Variants in STXBP5 observed in about 807,000 individuals in gnomAD.
The protein encoded by STXBP5 is syntaxin-binding protein 5.
Under a neutral mutation model 152.4 loss-of-function variants are expected in STXBP5, and 50 were observed. That is an observed-to-expected ratio of 0.33 (90% confidence interval 0.26 to 0.42). STXBP5 has a LOEUF of 0.42. Among genes scored for constraint, STXBP5 ranks in the 10% least tolerant of loss-of-function variants. STXBP5 has a pLI of 1.00. For synonymous variants in STXBP5, 492 were observed against 494.7 expected (o/e 0.99, Z 0.07); for missense variants, 1,167 against 1,388.6 (o/e 0.84, Z 2.54).
At chr6:147,285,045 G>C (rs759843091) in intron 8 of STXBP5, among the ~76,000 whole-genome samples, 7 of 152,112 alleles carry the variant, frequency 4.6e-5, no homozygotes, top group Non-Finnish European at 8.8e-5. Context: ...TCTGGAATTA[G>C]AATCAATAGG....
At chr6:147,275,654 T>C in intron 7 of STXBP5, among the ~76,000 whole-genome samples, 2 of 143,114 alleles carry the variant, frequency 1.4e-5, no homozygotes, top group South Asian at 2.3e-4. Flanking sequence ...ACCTCCCGGG[T>C]TCACGCCATT....
chr6:147,340,380 G>A (rs929795976), intron 21 of STXBP5, among the ~76,000 whole-genome samples: 5 of 152,096 alleles, frequency 3.3e-5, no homozygotes, highest in African/African-American at 1.2e-4. Context: ...AAATAAGGTG[G>A]TTTATTCTTG....
chr6:147,377,401 A>G (rs978984399), intron 26 of STXBP5, among the ~76,000 whole-genome samples: 5 of 152,218 alleles, frequency 3.3e-5, no homozygotes, highest in African/African-American at 1.2e-4. Context: ...CAGCAAAATA[A>G]ACCAAATAAA....
rs1778499786 is a variant in STXBP5 at position 147,240,704 on chromosome 6, T to TA, written c.431+1437dup. Among the ~76,000 whole-genome samples, 6 of 152,274 alleles carry TA rather than the reference T, an allele frequency of 3.9e-5. No homozygotes were observed. The South Asian group carries it at 1.2e-3, about 32-fold the overall frequency. On this transcript the variant is annotated intron_variant, in intron 4 of 27. Transcript: ENST00000321680. ...ACAGTAGAGGTAAGAAGTGTGAACT[T>TA]AAAGTAGAGGAAGGAAACCTGTGAG...
intron 2 of STXBP5, among the ~76,000 whole-genome samples, chr6:147,231,630 A>C (rs1489678211): frequency 6.6e-6 from 1 of 151,926 alleles, no homozygotes; most frequent in Admixed American, 6.6e-5. Context: ...GCATACATAT[A>C]TAAAAACAAA....
At chr6:147,364,729 A>C (rs886974477) in intron 25 of STXBP5, among the ~76,000 whole-genome samples, 1 of 152,208 alleles carries the variant, frequency 6.6e-6, no homozygotes, top group Non-Finnish European at 1.5e-5. Flanking sequence ...CGAAGTGATC[A>C]GTTTAGCTTT....
chr6:147,363,254 A>T, intron 23 of STXBP5, 81 bp from the exon 24 acceptor site: 1 of 1,356,152 alleles, frequency 7.4e-7, no homozygotes, highest in Non-Finnish European at 9.9e-7. Flanking sequence ...TTAAGTATCT[A>T]CTGTATGTCA....
At chr6:147,325,792 C>G (rs1347131563) in intron 17 of STXBP5, among the ~76,000 whole-genome samples, 4 of 151,998 alleles carry the variant, frequency 2.6e-5, no homozygotes, top group Non-Finnish European at 5.9e-5. Flanking sequence ...GCTGGTAGCT[C>G]CCACCACCTA....
intron 2 of STXBP5, among the ~76,000 whole-genome samples, chr6:147,207,321 G>A (rs1304426135): frequency 6.6e-6 from 1 of 152,146 alleles, no homozygotes; most frequent in Non-Finnish European, 1.5e-5. Flanking sequence ...ATGGACTATT[G>A]AACTGTGTTA....
intron 26 of STXBP5, among the ~76,000 whole-genome samples, chr6:147,378,502 G>T (rs879447927): frequency 1.3e-5 from 2 of 150,418 alleles, no homozygotes; most frequent in Non-Finnish European, 3.0e-5. Context: ...AACATTAAAT[G>T]ATATTAAAAA....
At chr6:147,249,319 C>G (rs900606539) in intron 4 of STXBP5, among the ~76,000 whole-genome samples, 3 of 151,634 alleles carry the variant, frequency 2.0e-5, no homozygotes, top group African/African-American at 7.3e-5. Context: ...TAACAAATAT[C>G]TGAATATGTG....
At chr6:147,331,804 TTAAA>T (rs1783583764) in intron 18 of STXBP5, among the ~76,000 whole-genome samples, 1 of 110,390 alleles carries the variant, frequency 9.1e-6, no homozygotes, top group Non-Finnish European at 1.9e-5. Context: ...TTTCTACCAG[TTAAA>T]AAAAAAAAAA....
rs1479752451 is a variant in STXBP5 at position 147,359,326 on chromosome 6, A to G, written c.2545+3A>G. On this transcript the variant is annotated splice_donor_region_variant and intron_variant, in intron 23 of 27. Transcript: ENST00000321680. ...GCCAGTAATTGTGTCTCCAAGTGGTATGTATTGCTGCTGCACTTAGAGTTA... is the reference window on the plus strand; with the variant it reads ...GCCAGTAATTGTGTCTCCAAGTGGTGTGTATTGCTGCTGCACTTAGAGTTA... The G allele has an allele frequency of 6.2e-7, 1 of 1,611,776 alleles. No homozygotes were observed. Among genetic ancestry groups the G allele is most frequent in the East Asian group, 2.2e-5 (1 of 44,792 alleles).
intron 8 of STXBP5, among the ~76,000 whole-genome samples, chr6:147,286,850 C>T (rs1409257070): frequency 6.6e-6 from 1 of 151,806 alleles, no homozygotes; most frequent in African/African-American, 2.4e-5. Context: ...TTTCTTGTCC[C>T]ACCAGGTAAG....
At chr6:147,377,215 A>G (rs1429822998) in intron 26 of STXBP5, among the ~76,000 whole-genome samples, 4 of 152,176 alleles carry the variant, frequency 2.6e-5, no homozygotes, top group African/African-American at 9.6e-5. Flanking sequence ...CTCATGTTTG[A>G]AAACAGAAAT....
At chr6:147,306,322 G>A (rs761958587) in intron 9 of STXBP5, among the ~76,000 whole-genome samples, 2 of 152,226 alleles carry the variant, frequency 1.3e-5, no homozygotes, top group Non-Finnish European at 2.9e-5. Flanking sequence ...TGGTAATGCT[G>A]AGTAGAGGTA....
chr6:147,311,363 T>G, intron 10 of STXBP5, 92 bp from the exon 11 acceptor site: 2 of 1,067,630 alleles, frequency 1.9e-6, no homozygotes, highest in Non-Finnish European at 2.8e-6. Context: ...CTCAAGAGAA[T>G]GAAACTAAAT....
At chr6:147,278,374 G>C (rs17076679) in intron 8 of STXBP5, among the ~76,000 whole-genome samples, 170 bp downstream of exon 8, 2,721 of 152,182 alleles carry the variant, frequency 0.018, 71 homozygotes, top group African/African-American at 0.061. Context: ...CTAACAACCA[G>C]TTAATAAAAT....
intron 26 of STXBP5, among the ~76,000 whole-genome samples, chr6:147,382,349 T>C (rs967919665): frequency 6.6e-6 from 1 of 152,158 alleles, no homozygotes; most frequent in Middle Eastern, 3.2e-3. Flanking sequence ...AGTATATTTT[T>C]AAGTAAGAGG....
Sources: allele counts gnomAD v4.1 joint callset (sites outside exome capture counted in the v4.1 genomes callset), GRCh38; gene constraint gnomAD v4.1.1; transcripts MANE v1.5; gene names NCBI Gene and HGNC (gene_info 2026-07-23, HGNC 2026-07-21).